KCNH5: variants seen among roughly 807,000 people sequenced by gnomAD.
KCNH5 encodes the protein voltage-gated delayed rectifier potassium channel KCNH5.
In KCNH5, 46 loss-of-function variants were observed where a neutral mutation model predicts 96.1. That is an observed-to-expected ratio of 0.48 (90% CI 0.38 to 0.61). The LOEUF is 0.61. Ranked by LOEUF, KCNH5 falls within the 20% of genes least tolerant of loss-of-function variation. The pLI, the probability that KCNH5 is intolerant of heterozygous loss-of-function variation, is 0.00. For synonymous variants in KCNH5, 439 were observed against 449.8 expected (o/e 0.98, Z 0.30); for missense variants, 907 against 1,225.8 (o/e 0.74, Z 3.88).
At chr14:62,933,314 C>T (rs1021038824) in intron 7 of KCNH5, among the ~76,000 whole-genome samples, 1 of 151,994 alleles carries the variant, frequency 6.6e-6, no homozygotes, top group African/African-American at 2.4e-5. Context: ...AAAATAATCA[C>T]AGTATAACAT....
chr14:63,005,739 A>G (rs985534401), intron 3 of KCNH5, among the ~76,000 whole-genome samples: 3 of 152,206 alleles, frequency 2.0e-5, no homozygotes, highest in Non-Finnish European at 4.4e-5. Flanking sequence ...CTCTGATGGA[A>G]AGTCTATATC....
At chr14:63,008,051 T>C (rs1417779752) in intron 2 of KCNH5, among the ~76,000 whole-genome samples, 1 of 152,162 alleles carries the variant, frequency 6.6e-6, no homozygotes, top group African/African-American at 2.4e-5. Flanking sequence ...GGTATGATTG[T>C]CCAGACCATT....
At chr14:62,853,456 C>CATATATATATATATATATATATCAT (rs1887852434) in intron 7 of KCNH5, among the ~76,000 whole-genome samples, 1 of 93,304 alleles carries the variant, frequency 1.1e-5, no homozygotes, top group Non-Finnish European at 2.0e-5. Flanking sequence ...AAAGAATAAT[C>CATATATATATATATATATATATCAT]ATATATATAT....
At chr14:62,759,518 C>A (rs1176296197) in intron 10 of KCNH5, among the ~76,000 whole-genome samples, 1 of 119,546 alleles carries the variant, frequency 8.4e-6, no homozygotes, top group African/African-American at 2.7e-5. Flanking sequence ...AAATTCAAAT[C>A]CTTTATATTC....
intron 7 of KCNH5, among the ~76,000 whole-genome samples, chr14:62,935,157 C>T (rs1170553486): frequency 6.6e-6 from 1 of 152,134 alleles, no homozygotes; most frequent in African/African-American, 2.4e-5. Flanking sequence ...GTTCATTCAC[C>T]TATGTTTCAC....
chr14:62,897,321 T>G (rs1595674929), intron 7 of KCNH5, among the ~76,000 whole-genome samples: 2 of 152,332 alleles, frequency 1.3e-5, no homozygotes, highest in East Asian at 1.9e-4. Context: ...CTGGTGTCCC[T>G]TTATTACATT....
intron 4 of KCNH5, among the ~76,000 whole-genome samples, chr14:62,988,418 G>A (rs1890749773): frequency 6.6e-6 from 1 of 152,000 alleles, no homozygotes; most frequent in Non-Finnish European, 1.5e-5. Context: ...AAATACACCT[G>A]CCTAATATCT....
chr14:63,005,463 C>T (rs891277294), intron 3 of KCNH5, among the ~76,000 whole-genome samples: 2 of 152,116 alleles, frequency 1.3e-5, no homozygotes, highest in Non-Finnish European at 2.9e-5. Context: ...CCTGTTGAAG[C>T]GAGAATGTTT....
chr14:62,737,591 A>C (rs1885185743), intron 10 of KCNH5, among the ~76,000 whole-genome samples: 1 of 152,192 alleles, frequency 6.6e-6, no homozygotes, highest in African/African-American at 2.4e-5. Context: ...GTGTTATATA[A>C]ATATGAGCTA....
intron 4 of KCNH5, among the ~76,000 whole-genome samples, chr14:62,997,918 A>AAAAAG (rs1349538766): frequency 6.0e-5 from 9 of 150,206 alleles, no homozygotes; most frequent in Non-Finnish European, 1.2e-4. Context: ...AAAAAAAAAA[A>AAAAAG]AATTAAAAAA....
intron 6 of KCNH5, among the ~76,000 whole-genome samples, chr14:62,976,649 C>T (rs1443329773): frequency 6.6e-6 from 1 of 152,118 alleles, no homozygotes; most frequent in Non-Finnish European, 1.5e-5. Context: ...AACCTTAGGA[C>T]AGAGAAGGTG....
intron 10 of KCNH5, among the ~76,000 whole-genome samples, chr14:62,778,998 T>C (rs1002408483): frequency 2.0e-5 from 3 of 152,216 alleles, no homozygotes; most frequent in African/African-American, 7.2e-5. Context: ...TATTTCAAAA[T>C]ACTTCACCAC....
intron 7 of KCNH5, among the ~76,000 whole-genome samples, chr14:62,925,209 G>A (rs893180357): frequency 2.0e-5 from 3 of 151,878 alleles, no homozygotes; most frequent in Admixed American, 2.0e-4. Flanking sequence ...CTAAGACTAA[G>A]GGAGAGAATA....
chr14:62,799,509 G>T (rs1595627429), intron 9 of KCNH5, among the ~76,000 whole-genome samples: 1 of 143,936 alleles, frequency 6.9e-6, no homozygotes. Flanking sequence ...GGAGGCGGAG[G>T]TTGCGGTGAG....
At chr14:62,796,209 G>A (rs1274577466) in intron 9 of KCNH5, among the ~76,000 whole-genome samples, 1 of 152,130 alleles carries the variant, frequency 6.6e-6, no homozygotes, top group East Asian at 1.9e-4. Flanking sequence ...TGAAATGGAG[G>A]TTGAAGCTGA....
At chr14:62,757,887 T>C (rs1885658101) in intron 10 of KCNH5, among the ~76,000 whole-genome samples, 1 of 152,154 alleles carries the variant, frequency 6.6e-6, no homozygotes. Context: ...GGCTCACATC[T>C]GTAATCCCAG....
intron 7 of KCNH5, among the ~76,000 whole-genome samples, chr14:62,889,557 C>T (rs1358715183): frequency 6.6e-6 from 1 of 152,154 alleles, no homozygotes. Flanking sequence ...CTGACAGAGC[C>T]GGCCTGGAGT....
chr14:62,799,795 A>T (rs1424764873), intron 9 of KCNH5, among the ~76,000 whole-genome samples: 1 of 138,028 alleles, frequency 7.2e-6, no homozygotes, highest in Non-Finnish European at 1.5e-5. Context: ...TATTTAATAT[A>T]TTATATATTT....
Position 62,952,712 on chromosome 14 carries a change from C to A in KCNH5, c.943-2153G>T, listed in dbSNP as rs190978287. Among the ~76,000 whole-genome samples the A allele has an allele frequency of 2.0e-5, 3 of 152,154 alleles. No individual in the cohort carries two copies. In the East Asian group the frequency reaches 5.8e-4, roughly 29 times the overall value. ...AGGAAAAACAGAGAGAAAATCTTCACCCCATTCAAACTAAGAAAGCCAACA... is the reference window on the plus strand; with the variant it reads ...AGGAAAAACAGAGAGAAAATCTTCAACCCATTCAAACTAAGAAAGCCAACA... On this transcript the variant is annotated intron_variant, in intron 6 of 10. Transcript: ENST00000322893.
Sources: allele counts gnomAD v4.1 joint callset (sites outside exome capture counted in the v4.1 genomes callset), GRCh38; gene constraint gnomAD v4.1.1; transcripts MANE v1.5; gene names NCBI Gene and HGNC (gene_info 2026-07-23, HGNC 2026-07-21).